Variants in TMEM108 observed in about 807,000 individuals in gnomAD.
TMEM108 encodes the protein cancer/testis antigen 124.
In TMEM108, 12 loss-of-function variants were observed where a neutral mutation model predicts 35.1. The ratio of observed to expected loss-of-function variants is 0.34; its 90% CI spans 0.22 to 0.55. The LOEUF is 0.55. TMEM108 is among the 20% of genes least tolerant of loss of function. The pLI is 0.89. For missense variants in TMEM108, 680 were observed against 753.3 expected (o/e 0.90, Z 1.14); for synonymous variants, 287 against 308.6 (o/e 0.93, Z 0.73).
chr3:133,092,345 G>T lies in TMEM108; in HGVS notation c.-47+46325G>T, dbSNP rs540141821. ...TCTCCAGTGTTTCCCAAACTCCAGGGTCTAATATTTTCTCCTAACCTCTTT... is the reference window on the plus strand; with the variant it reads ...TCTCCAGTGTTTCCCAAACTCCAGGTTCTAATATTTTCTCCTAACCTCTTT... On this transcript the variant is annotated intron_variant, in intron 2 of 5. Coordinates refer to ENST00000321871, the MANE Select transcript of TMEM108 (RefSeq NM_023943.4). 2.2e-4 allele frequency among the ~76,000 whole-genome samples: 34 copies of T among 152,268 alleles called. 1 individual carries two copies. Among genetic ancestry groups the T allele is most frequent in the African/African-American group, 7.0e-4 (29 of 41,548 alleles).
chr3:133,065,588 A>G (rs146643673), intron 2 of TMEM108, among the ~76,000 whole-genome samples: 98 of 152,320 alleles, frequency 6.4e-4, no homozygotes, highest in East Asian at 6.4e-3. Flanking sequence ...AAGAACATCT[A>G]TGCTGCATTT....
At chr3:133,333,617 G>GA (rs1162982179) in intron 3 of TMEM108, among the ~76,000 whole-genome samples, 1 of 152,184 alleles carries the variant, frequency 6.6e-6, no homozygotes, top group African/African-American at 2.4e-5. Flanking sequence ...TTAACAGAGA[G>GA]AAAAGAGAGC....
chr3:133,162,066 A>T (rs981603058), intron 2 of TMEM108, among the ~76,000 whole-genome samples: 1 of 152,176 alleles, frequency 6.6e-6, no homozygotes, highest in African/African-American at 2.4e-5. Flanking sequence ...TAGGGAACTG[A>T]TTAAAGATAT....
rs577100502 is a variant in TMEM108, at chr3:133,098,410, A to G, written c.-47+52390A>G. Among the ~76,000 whole-genome samples the G allele has an allele frequency of 2.6e-5, 4 of 152,292 alleles. 1 individual carries two copies. The highest frequency in any genetic ancestry group is 9.6e-5 in the African/African-American group (4 of 41,560). On this transcript the variant is annotated intron_variant, in intron 2 of 5. Transcript: ENST00000321871. The stretch of plus-strand genomic sequence containing the variant: ...AATTCAAGTTCAGATGTGGGTGGGG[A>G]CACAGTCAAACCATATCATTTTGCC...
intron 2 of TMEM108, among the ~76,000 whole-genome samples, chr3:133,177,085 C>A (rs1322375582): frequency 6.6e-6 from 1 of 152,028 alleles, no homozygotes; most frequent in African/African-American, 2.4e-5. Flanking sequence ...ATAAATTCCT[C>A]GATACATACA....
chr3:133,288,103 G>A (rs762017972), intron 3 of TMEM108, among the ~76,000 whole-genome samples: 1 of 152,122 alleles, frequency 6.6e-6, no homozygotes, highest in Non-Finnish European at 1.5e-5. Flanking sequence ...TTTCTTGCCC[G>A]CATGGTCATT....
chr3:133,376,778 T>C (rs1245126503), intron 3 of TMEM108, among the ~76,000 whole-genome samples: 1 of 152,168 alleles, frequency 6.6e-6, no homozygotes, highest in African/African-American at 2.4e-5. Context: ...ACCCCACAGA[T>C]CATTTTCCAG....
chr3:133,116,715 G>A (rs1337387397), intron 2 of TMEM108, among the ~76,000 whole-genome samples: 2 of 152,150 alleles, frequency 1.3e-5, no homozygotes, highest in Non-Finnish European at 2.9e-5. Context: ...TCAACTGTAT[G>A]AGATACCAGT....
At chr3:133,153,721 A>G (rs1231971883) in intron 2 of TMEM108, among the ~76,000 whole-genome samples, 1 of 152,200 alleles carries the variant, frequency 6.6e-6, no homozygotes, top group Non-Finnish European at 1.5e-5. Context: ...AAATGACTTA[A>G]TGATGGAAAA....
intron 3 of TMEM108, among the ~76,000 whole-genome samples, chr3:133,329,615 G>A (rs1036495568): frequency 6.6e-6 from 1 of 152,184 alleles, no homozygotes; most frequent in African/African-American, 2.4e-5. Context: ...TCTTTTGGGA[G>A]AGATTTTACT....
At chr3:133,363,596 G>T (rs1477982457) in intron 3 of TMEM108, among the ~76,000 whole-genome samples, 1 of 151,904 alleles carries the variant, frequency 6.6e-6, no homozygotes, top group Non-Finnish European at 1.5e-5. Flanking sequence ...TTTAGAGACA[G>T]GGTTTTGCTA....
chr3:133,111,497 A>G (rs951446369), intron 2 of TMEM108, among the ~76,000 whole-genome samples: 2 of 152,126 alleles, frequency 1.3e-5, no homozygotes, highest in African/African-American at 4.8e-5. Flanking sequence ...GTATATATAT[A>G]TCTGTATGGA....
At chr3:133,197,074 A>G (rs1945589206) in intron 2 of TMEM108, among the ~76,000 whole-genome samples, 1 of 152,240 alleles carries the variant, frequency 6.6e-6, no homozygotes, top group Non-Finnish European at 1.5e-5. Flanking sequence ...AACAAAAGTA[A>G]GATGATGCAG....
At chr3:133,093,305 GA>G (rs920885470) in intron 2 of TMEM108, among the ~76,000 whole-genome samples, 12 of 152,172 alleles carry the variant, frequency 7.9e-5, no homozygotes, top group African/African-American at 1.4e-4. Flanking sequence ...GTAAGGATTT[GA>G]AAAGTTAGAA....
intron 2 of TMEM108, among the ~76,000 whole-genome samples, chr3:133,197,541 C>T (rs1945596561): frequency 1.3e-5 from 2 of 152,124 alleles, no homozygotes; most frequent in Admixed American, 1.3e-4. Context: ...CTATTGGCTC[C>T]TAGGACTTGC....
rs567753219 is a variant in TMEM108 at position 133,388,568 on chromosome 3, A to G, written c.1451-1612A>G. 2.2e-5 allele frequency: 22 copies of G among 985,470 alleles called. No homozygotes were observed. In the South Asian group the frequency reaches 8.9e-4, roughly 40 times the overall value. 61.0% of individuals were successfully genotyped at this position (985,470 alleles called of 1,614,324 possible). On this transcript the variant is annotated intron_variant, in intron 4 of 5. Transcript: ENST00000321871. Reference sequence around the variant, plus strand: ...CTCTCAAATCCCCGTTAGCCCTAACACTCAGAAATTCCTTCTATGTTTTAA... The same window carrying G: ...CTCTCAAATCCCCGTTAGCCCTAACGCTCAGAAATTCCTTCTATGTTTTAA...
chr3:133,183,581 G>C (rs1159566367), intron 2 of TMEM108, among the ~76,000 whole-genome samples: 2 of 152,108 alleles, frequency 1.3e-5, no homozygotes, highest in Non-Finnish European at 2.9e-5. Context: ...ATGAAAAGGG[G>C]GTAGAAGACA....
chr3:133,325,436 C>T (rs1223669052), intron 3 of TMEM108, among the ~76,000 whole-genome samples: 1 of 152,118 alleles, frequency 6.6e-6, no homozygotes, highest in Non-Finnish European at 1.5e-5. Flanking sequence ...TTCCATGCAA[C>T]CAAACACCAT....
intron 3 of TMEM108, among the ~76,000 whole-genome samples, chr3:133,238,697 A>G (rs1946272973): frequency 6.6e-6 from 1 of 152,176 alleles, no homozygotes; most frequent in Admixed American, 6.5e-5. Context: ...AAGCTGGCTC[A>G]TGTATTTTGT....
Sources: gnomAD v4.1 joint callset for allele counts (sites outside exome capture counted in the v4.1 genomes callset) on GRCh38, gnomAD v4.1.1 for gene constraint, MANE v1.5 for transcripts, NCBI Gene and HGNC (gene_info 2026-07-23, HGNC 2026-07-21) for gene names.